GMDS: variants seen among roughly 807,000 people sequenced by gnomAD.
GMDS encodes GDP-mannose 4,6 dehydratase.
A neutral mutation model predicts 49.9 loss-of-function variants in GMDS; 20 were observed. That is an observed-to-expected ratio of 0.40 (90% confidence interval 0.28 to 0.58). The LOEUF is 0.58. GMDS is among the 20% of genes least tolerant of loss of function. The probability of loss-of-function intolerance (pLI) is 0.42; values close to 1 mark genes in which losing one functional copy is unlikely to be tolerated. For synonymous variants in GMDS, 177 were observed against 178.6 expected, an observed-to-expected ratio of 0.99 and a Z score of 0.07; for missense variants, 362 against 481.4, an observed-to-expected ratio of 0.75 and a Z score of 2.32.
chr6:1,776,329 C>T (rs749087003), intron 7 of GMDS, among the ~76,000 whole-genome samples: 3 of 152,180 alleles, frequency 2.0e-5, no homozygotes, highest in Non-Finnish European at 2.9e-5. Context: ...TAAGGCATCG[C>T]CATTATTACG....
At chr6:2,005,588 C>T (rs773470988) in intron 4 of GMDS, among the ~76,000 whole-genome samples, 5 of 152,190 alleles carry the variant, frequency 3.3e-5, no homozygotes, top group Non-Finnish European at 7.4e-5. Flanking sequence ...TCACTCGACT[C>T]ACTCTATCAG....
At position 1,753,138 on chromosome 6, in the gene GMDS, C is replaced by T. The variant is rs551361690; in HGVS notation, c.772-10552G>A. Among the ~76,000 whole-genome samples, 3 of 152,152 alleles carry T rather than the reference C, an allele frequency of 2.0e-5. No individual in the cohort carries two copies. In the East Asian group the frequency reaches 5.8e-4, roughly 29 times the overall value. On this transcript the variant is annotated intron_variant, in intron 7 of 10. Transcript: ENST00000380815. ...CATCGGTGTGCTGTATTCAGGAGAC[C>T]CATCTCATGTGCAAAGACACACATA...
intron 4 of GMDS, among the ~76,000 whole-genome samples, chr6:2,080,875 A>C (rs928024536): frequency 3.3e-5 from 5 of 152,212 alleles, no homozygotes; most frequent in African/African-American, 1.2e-4. Context: ...ATTTCATCTC[A>C]GGTAAGTTAT....
chr6:1,888,114 A>AT (rs900106140), intron 7 of GMDS, among the ~76,000 whole-genome samples: 5 of 141,886 alleles, frequency 3.5e-5, no homozygotes, highest in East Asian at 2.0e-4. Flanking sequence ...ATTCCTGGCT[A>AT]TTTTTTTATT....
chr6:1,734,549 C>T (rs73716364), intron 8 of GMDS, among the ~76,000 whole-genome samples: 3,936 of 152,358 alleles, frequency 0.026, 189 homozygotes, highest in African/African-American at 0.09. Context: ...CTGCCCCACC[C>T]TGGGCCCAGA....
chr6:1,972,763 T>C (rs1280376244), intron 4 of GMDS, among the ~76,000 whole-genome samples: 1 of 152,198 alleles, frequency 6.6e-6, no homozygotes, highest in Non-Finnish European at 1.5e-5. Flanking sequence ...CGCAGATGCC[T>C]GGAGGCATCA....
chr6:2,208,293 A>C (rs1483146711), intron 1 of GMDS, among the ~76,000 whole-genome samples: 2 of 152,226 alleles, frequency 1.3e-5, no homozygotes, highest in African/African-American at 4.8e-5. Flanking sequence ...CATCATTTTC[A>C]GGAGACTTGT....
chr6:2,228,744 A>T (rs1192780189), intron 1 of GMDS, among the ~76,000 whole-genome samples: 1 of 152,226 alleles, frequency 6.6e-6, no homozygotes, highest in Non-Finnish European at 1.5e-5. Context: ...TGCTGCATGG[A>T]ATAGCTTTCT....
chr6:1,942,033 CGA>C (rs574115127), intron 6 of GMDS, among the ~76,000 whole-genome samples: 2 of 152,304 alleles, frequency 1.3e-5, no homozygotes, highest in South Asian at 4.1e-4. Context: ...CGCTCTCCAG[CGA>C]GAGCTAAGCT....
chr6:1,640,894 T>G lies in GMDS; in HGVS notation c.988-16354A>C, dbSNP rs115902466. 5.5e-3 allele frequency among the ~76,000 whole-genome samples: 833 copies of G among 151,986 alleles called. 6 individuals are homozygous for G. The highest frequency in any genetic ancestry group is 0.02 in the African/African-American group (812 of 41,434). ...AGTGGGGGCTGCCCTGGGTAAAGCT[T>G]GAGGTGGAGGGAGCAGGCTGGGCTA... On this transcript the variant is annotated intron_variant, in intron 9 of 10. Transcript: ENST00000380815. The surrounding 1 kb of genome is among the most constrained non-coding windows in gnomAD (Gnocchi z 4.0).
chr6:1,956,117 A>C (rs1763623425), intron 6 of GMDS, among the ~76,000 whole-genome samples: 1 of 152,210 alleles, frequency 6.6e-6, no homozygotes, highest in Non-Finnish European at 1.5e-5. Flanking sequence ...TTTCTAAAAG[A>C]CTACCTTGCT....
Position 1,635,846 on chromosome 6 carries a change from G to T in GMDS, c.988-11306C>A, listed in dbSNP as rs186605539. On this transcript the variant is annotated intron_variant, in intron 9 of 10. Transcript: ENST00000380815. This position sits in a 1 kb window ranked among gnomAD's most constrained non-coding sequence, Gnocchi z 4.7. ...ACCCACAGCCACTCCAGGCAAGCAG[G>T]GCCCAGCCTCGGCACCTCCAGCACT... 4.3e-3 allele frequency among the ~76,000 whole-genome samples: 658 copies of T among 152,278 alleles called. 4 individuals carry two copies. Among genetic ancestry groups the T allele is most frequent in the Non-Finnish European group, 5.6e-3 (379 of 68,014 alleles).
chr6:1,882,552 A>G (rs1759412251), intron 7 of GMDS, among the ~76,000 whole-genome samples: 2 of 152,230 alleles, frequency 1.3e-5, no homozygotes, highest in East Asian at 1.9e-4. Flanking sequence ...AATTAAACAG[A>G]AGAGAGAGAA....
At chr6:2,019,787 T>C (rs934250489) in intron 4 of GMDS, among the ~76,000 whole-genome samples, 6 of 152,142 alleles carry the variant, frequency 3.9e-5, no homozygotes, top group South Asian at 2.1e-4. Context: ...GCTATTATCA[T>C]GAAAGGGTGT....
At chr6:1,957,572 T>C (rs190450144) in intron 6 of GMDS, among the ~76,000 whole-genome samples, 1 of 152,288 alleles carries the variant, frequency 6.6e-6, no homozygotes, top group African/African-American at 2.4e-5. Flanking sequence ...AACAAAATGG[T>C]GTATGCTACA....
chr6:1,636,297 C>T (rs555835613), intron 9 of GMDS, among the ~76,000 whole-genome samples: 4 of 152,222 alleles, frequency 2.6e-5, no homozygotes, highest in East Asian at 3.9e-4. Flanking sequence ...AGCCTGTTGG[C>T]GTAGAAAGTA....
At chr6:1,691,507 T>G (rs945581127) in intron 9 of GMDS, among the ~76,000 whole-genome samples, 3 of 152,136 alleles carry the variant, frequency 2.0e-5, no homozygotes, top group Non-Finnish European at 2.9e-5. Flanking sequence ...GTCCCCGGAA[T>G]TTAAAATAAA....
chr6:1,710,843 CCT>C (rs1765932570), intron 9 of GMDS, among the ~76,000 whole-genome samples: 1 of 152,170 alleles, frequency 6.6e-6, no homozygotes. Context: ...CCAAAGCACC[CCT>C]GTGAGTTTGT....
chr6:1,963,226 G>C (rs1194253647), intron 4 of GMDS, among the ~76,000 whole-genome samples: 2 of 151,848 alleles, frequency 1.3e-5, no homozygotes, highest in Non-Finnish European at 2.9e-5. Flanking sequence ...GCCCAGGCTG[G>C]AGTGCAGTGG....
Sources: gnomAD v4.1 joint callset for allele counts (sites outside exome capture counted in the v4.1 genomes callset) on GRCh38, gnomAD v4.1.1 for gene constraint, Gnocchi (gnomAD v3.1) non-coding constraint, MANE v1.5 for transcripts, NCBI Gene and HGNC (gene_info 2026-07-23, HGNC 2026-07-21) for gene names.